MAGEC3: variants seen among roughly 807,000 people sequenced by gnomAD.
MAGEC3 encodes melanoma-associated antigen C3.
In MAGEC3, 34 loss-of-function variants were observed where a neutral mutation model predicts 35.3. That is an observed-to-expected ratio of 0.96 (90% CI 0.73 to 1.28). The LOEUF is 1.28. MAGEC3 is among the 50% of genes most tolerant of loss of function. The pLI, the probability that MAGEC3 is intolerant of heterozygous loss-of-function variation, is 0.00. For synonymous variants in MAGEC3, 202 were observed against 185.6 expected (o/e 1.09, Z -0.72); for missense variants, 561 against 483.6 (o/e 1.16, Z -1.50).
chrX:141,895,370 A>C lies in MAGEC3; in HGVS notation c.1011A>C (p.Ser337=). The C allele has an allele frequency of 2.5e-6, 3 of 1,210,893 alleles. No individual in the cohort carries two copies. Among genetic ancestry groups the C allele is most frequent in the Non-Finnish European group, 3.4e-6 (3 of 895,266 alleles). ...TTTGCGAGGAGTCTGGACTCAGGTC[A>C]GCAGAGGGAAGCGTCTTAGACCTGG... The part of the protein sequence containing the change: ...EAFCEESGLR[S]AEGSVLDLAN... Residue 337 remains serine, a synonymous_variant, in exon 5 of 8, where the codon TCA becomes TCC. Coordinates refer to ENST00000298296, the MANE Select transcript of MAGEC3 (RefSeq NM_138702.1).
intron 1 of MAGEC3, among the ~76,000 whole-genome samples, chrX:141,862,894 T>G (rs759141915): frequency 7.2e-5 from 8 of 111,522 alleles, no homozygotes; most frequent in Non-Finnish European, 1.1e-4. Flanking sequence ...AGCAGGGTGA[T>G]TGTAGTAACA....
At chrX:141,877,934 T>C (rs750817255) in intron 2 of MAGEC3, among the ~76,000 whole-genome samples, 7 of 112,134 alleles carry the variant, frequency 6.2e-5, no homozygotes, top group Non-Finnish European at 9.4e-5. Context: ...GTACATTGTT[T>C]TTAACAAACA....
At chrX:141,870,339 G>A (rs1405967494) in intron 2 of MAGEC3, among the ~76,000 whole-genome samples, 4 of 111,345 alleles carry the variant, frequency 3.6e-5, no homozygotes, top group Admixed American at 9.5e-5. Context: ...CATGAAGTGC[G>A]ATTTTTATAT....
intron 3 of MAGEC3, 143 bp from the exon 4 acceptor site, chrX:141,881,260 C>G (rs780208400): frequency 3.2e-6 from 2 of 628,743 alleles, no homozygotes; most frequent in Admixed American, 3.3e-5. Flanking sequence ...TGCTGGGATG[C>G]TGCCTCTTCC....
At chrX:141,887,602 G>A (rs918977646) in intron 4 of MAGEC3, among the ~76,000 whole-genome samples, 1 of 111,912 alleles carries the variant, frequency 8.9e-6, no homozygotes, top group African/African-American at 3.3e-5. Flanking sequence ...TCATTTGGGT[G>A]TGTTACTCTG....
intron 1 of MAGEC3, among the ~76,000 whole-genome samples, chrX:141,842,181 A>G (rs931834905): frequency 7.1e-5 from 8 of 111,910 alleles, no homozygotes; most frequent in African/African-American, 2.3e-4. Context: ...ATTATTTGTT[A>G]TAAATTAACA....
chrX:141,840,053 A>G, intron 1 of MAGEC3: 3 of 733,279 alleles, frequency 4.1e-6, no homozygotes, highest in Non-Finnish European at 4.8e-6. Context: ...TCTGGTCAGA[A>G]TGTGCACAAT....
intron 1 of MAGEC3, among the ~76,000 whole-genome samples, chrX:141,847,769 C>A (rs2017725807): frequency 1.8e-5 from 2 of 110,313 alleles, no homozygotes; most frequent in African/African-American, 6.6e-5. Flanking sequence ...GAAGAAAGAT[C>A]TTAAGTAAAT....
intron 1 of MAGEC3, among the ~76,000 whole-genome samples, chrX:141,853,667 A>G (rs1447921050): frequency 9.0e-6 from 1 of 111,513 alleles, no homozygotes; most frequent in Non-Finnish European, 1.9e-5. Context: ...GCACATAAGA[A>G]AAGTGTTACA....
At chrX:141,891,691 ATATATTTATATATGCATATAT>A in intron 4 of MAGEC3, among the ~76,000 whole-genome samples, 1 of 103,719 alleles carries the variant, frequency 9.6e-6, no homozygotes, top group Non-Finnish European at 2.0e-5. Flanking sequence ...ATATAAATAT[ATATATTTATATATGCATATAT>A]AAATATATAT....
Position 141,879,412 on chromosome X carries a change from T to C in MAGEC3, c.496T>C (p.Trp166Arg). 8.6e-7 allele frequency: 1 copy of C among 1,164,664 alleles called. No individual in the cohort carries two copies. The highest frequency in any genetic ancestry group is 3.1e-5 in the East Asian group (1 of 31,896). The change falls in exon 3 of 8, where the codon TGG (tryptophan) becomes CGG (arginine). Residue 166 changes from tryptophan (W) to arginine (R), a missense_variant. Physicochemically the swap from Trp to Arg is moderately radical, Grantham distance 101. Transcript: ENST00000298296. ...TGCCGTCAGCCCTGGAAAAAGGTTG[T>C]GGGGGGAGAAAGCGGGGAGGTGGGC... is the stretch of plus-strand genomic sequence containing the variant. The part of the protein sequence containing the change: ...LPAVSPGKRL[W>R]GEKAGSLPES...
At chrX:141,852,497 G>A (rs1467579422) in intron 1 of MAGEC3, among the ~76,000 whole-genome samples, 6 of 110,638 alleles carry the variant, frequency 5.4e-5, no homozygotes, top group African/African-American at 9.8e-5. Flanking sequence ...AGAAATGGTC[G>A]TTGTCTTGTT....
At chrX:141,874,569 T>C (rs1392971938) in intron 2 of MAGEC3, among the ~76,000 whole-genome samples, 1 of 111,299 alleles carries the variant, frequency 9.0e-6, no homozygotes, top group Non-Finnish European at 1.9e-5. Context: ...AAAGAATATA[T>C]ACACATTGCA....
intron 1 of MAGEC3, 63 bp from the exon 2 acceptor site, chrX:141,865,408 A>C (rs902424579): frequency 8.3e-6 from 9 of 1,090,805 alleles, no homozygotes; most frequent in Non-Finnish European, 1.1e-5. Flanking sequence ...AATAGAGTAG[A>C]TCTTCCATCA....
At chrX:141,843,175 C>G (rs1277045496) in intron 1 of MAGEC3, among the ~76,000 whole-genome samples, 3 of 111,970 alleles carry the variant, frequency 2.7e-5, no homozygotes, top group Non-Finnish European at 5.7e-5. Context: ...AGAAAACACA[C>G]AAATTCCAGC....
intron 1 of MAGEC3, among the ~76,000 whole-genome samples, chrX:141,843,543 A>T (rs1243268070): frequency 9.0e-6 from 1 of 111,369 alleles, no homozygotes; most frequent in East Asian, 2.8e-4. Context: ...GTGAGGGAAA[A>T]ATAAACTTCC....
intron 1 of MAGEC3, among the ~76,000 whole-genome samples, chrX:141,863,664 G>C (rs148486315): frequency 0.017 from 1,852 of 110,791 alleles, 10 homozygotes; most frequent in Middle Eastern, 0.042. Flanking sequence ...AATATGCAAG[G>C]TATTTGAAAA....
chrX:141,859,896 A>G (rs1603059575), intron 1 of MAGEC3, among the ~76,000 whole-genome samples: 1 of 112,126 alleles, frequency 8.9e-6, no homozygotes, highest in South Asian at 3.7e-4. Context: ...GCTTTTTGCA[A>G]TACGTGTCCT....
chrX:141,877,750 T>A (rs1343106592), intron 2 of MAGEC3, among the ~76,000 whole-genome samples: 1 of 111,987 alleles, frequency 8.9e-6, no homozygotes, highest in Non-Finnish European at 1.9e-5. Context: ...GCATATCCTT[T>A]TATCTAGTTT....
Sources: allele counts gnomAD v4.1 joint callset (sites outside exome capture counted in the v4.1 genomes callset), GRCh38; gene constraint gnomAD v4.1.1; transcripts MANE v1.5; gene names NCBI Gene and HGNC (gene_info 2026-07-23, HGNC 2026-07-21).